The following PPARGC1A variants were observed in gnomAD, a reference collection of about 807,000 sequenced individuals.
The protein encoded by PPARGC1A is peroxisome proliferator-activated receptor gamma coactivator 1-alpha.
Under a neutral mutation model 88.7 loss-of-function variants are expected in PPARGC1A, and 25 were observed. The observed-to-expected ratio is 0.28, with a 90% CI of 0.21 to 0.39. The LOEUF is 0.39. Ranked by LOEUF, PPARGC1A falls within the 10% of genes least tolerant of loss-of-function variation. The pLI is 1.00. For synonymous variants in PPARGC1A, 363 were observed against 355.6 expected (o/e 1.02, Z -0.24); for missense variants, 880 against 968.7 (o/e 0.91, Z 1.22).
the PPARGC1A span, among the ~76,000 whole-genome samples, chr4:24,142,269 T>A: frequency 6.6e-6 from 1 of 152,006 alleles, no homozygotes; most frequent in Admixed American, 6.6e-5. Flanking sequence ...GAAGTAGAGA[T>A]GAAACGCTAA....
chr4:23,920,774 C>T, the PPARGC1A span, among the ~76,000 whole-genome samples: 1 of 152,226 alleles, frequency 6.6e-6, no homozygotes, highest in South Asian at 2.1e-4. Flanking sequence ...CCATCTCCTA[C>T]AGTGTCAGCG....
the PPARGC1A span, among the ~76,000 whole-genome samples, chr4:24,084,243 C>A: frequency 6.6e-6 from 1 of 152,206 alleles, no homozygotes; most frequent in Non-Finnish European, 1.5e-5. Context: ...CCTGGCTAGA[C>A]CCTCCTGCAA....
At position 23,814,074 on chromosome 4, in the gene PPARGC1A, C is replaced by G; in HGVS notation, c.1409G>C (p.Ser470Thr). The change falls in exon 8 of 13, where the codon AGT becomes ACT. Residue 470 changes from serine (S) to threonine (T), a missense_variant. Physicochemically the swap from Ser to Thr is moderately conservative, Grantham distance 58 (BLOSUM62 1). Coordinates refer to ENST00000264867, the MANE Select transcript of PPARGC1A (RefSeq NM_013261.5). ...AELNKHFGHP[S>T]QAVFDDEADK... ...TGCTTCGTCGTCAAAAACAGCTTGA[C>G]TGGGATGACCGAAGTGCTTGTTCAG... 1 of 1,614,042 alleles carries G rather than the reference C, an allele frequency of 6.2e-7. No homozygotes were observed. Among genetic ancestry groups the G allele is most frequent in the Non-Finnish European group, 8.5e-7 (1 of 1,179,958 alleles).
At chr4:24,014,484 C>T in the PPARGC1A span, among the ~76,000 whole-genome samples, 1 of 152,284 alleles carries the variant, frequency 6.6e-6, no homozygotes, top group African/African-American at 2.4e-5. Context: ...TTCTGCGGAT[C>T]AGATGAGCAT....
Position 23,813,583 on chromosome 4 carries a change from G to A in PPARGC1A, c.1793+107C>T, listed in dbSNP as rs1313691256. Reference sequence around the variant, plus strand: ...TTCCAGCAGTGCCAGAATTGCAGTGGTCAGGGGCCAGAATGGCTGCAGATT... The same window carrying A: ...TTCCAGCAGTGCCAGAATTGCAGTGATCAGGGGCCAGAATGGCTGCAGATT... On this transcript the variant is annotated intron_variant, in intron 8 of 12. Coordinates refer to ENST00000264867, the MANE Select transcript of PPARGC1A (RefSeq NM_013261.5). 8 of 1,028,024 alleles carry A rather than the reference G, an allele frequency of 7.8e-6. No homozygotes were observed. The East Asian group carries it at 2.1e-4, about 27-fold the overall frequency. The allele number at this position is 1,028,024 out of a possible 1,614,324, so 63.7% of individuals were successfully genotyped here.
chr4:24,051,324 G>A, the PPARGC1A span, among the ~76,000 whole-genome samples: 1 of 152,014 alleles, frequency 6.6e-6, no homozygotes, highest in Non-Finnish European at 1.5e-5. Flanking sequence ...GATTTCAGAG[G>A]AAATATCTTT....
At chr4:23,903,966 T>C (rs1302950426), upstream of PPARGC1A, 1 of 892,562 alleles carries the variant, frequency 1.1e-6, no homozygotes, top group Non-Finnish European at 1.3e-6. Context: ...GCCTCCTAGG[T>C]GCAGACATAA....
the PPARGC1A span, among the ~76,000 whole-genome samples, chr4:24,088,613 T>C: frequency 1.3e-5 from 2 of 152,198 alleles, no homozygotes; most frequent in African/African-American, 4.8e-5. Flanking sequence ...TCTGCCAGAG[T>C]ACTTGTAAGA....
Position 23,794,932 on chromosome 4 carries a change from A to G in PPARGC1A, c.*890T>C, listed in dbSNP as rs181246387. ...GAAGATCAACATTTTGGACATTTAC[A>G]TGGGTGTCAGGATTAAGGATGAACT... is the stretch of plus-strand genomic sequence containing the variant. On this transcript the variant is annotated 3_prime_UTR_variant, in exon 13 of 13. Coordinates refer to ENST00000264867, the MANE Select transcript of PPARGC1A (RefSeq NM_013261.5). 1.3e-5 allele frequency: 2 copies of G among 152,538 alleles called. No individual in the cohort carries two copies. The highest frequency in any genetic ancestry group is 1.9e-4 in the East Asian group (1 of 5,152). The allele number at this position is 152,538 out of a possible 1,614,324, so 9.4% of individuals were successfully genotyped here. A position where few individuals can be genotyped will look rare whatever the true frequency, so the allele number is the denominator to read the frequency against.
chr4:24,088,055 A>T, the PPARGC1A span, among the ~76,000 whole-genome samples: 1 of 152,318 alleles, frequency 6.6e-6, no homozygotes, highest in African/African-American at 2.4e-5. Context: ...ATAATGTGAA[A>T]ATATACTCTG....
the PPARGC1A span, among the ~76,000 whole-genome samples, chr4:24,119,992 A>G: frequency 6.6e-6 from 1 of 152,210 alleles, no homozygotes; most frequent in Non-Finnish European, 1.5e-5. Context: ...AGAACAATGT[A>G]AATAGTAGAG....
At chr4:23,845,349 C>T (rs1041595800) in intron 2 of PPARGC1A, among the ~76,000 whole-genome samples, 2 of 152,060 alleles carry the variant, frequency 1.3e-5, no homozygotes, top group Non-Finnish European at 2.9e-5. Context: ...GCTATTTGTT[C>T]ATAAAGACTT....
the PPARGC1A span, among the ~76,000 whole-genome samples, chr4:24,472,663 TGCCGCCGCCGCCGCCGCC>T: frequency 6.6e-6 from 1 of 151,496 alleles, no homozygotes; most frequent in Non-Finnish European, 1.5e-5. This position sits in a 1 kb window ranked among gnomAD's most constrained non-coding sequence, Gnocchi z 4.5. Context: ...ATGCTCGGGC[TGCCGCCGCCGCCGCCGCC>T]GCCGCCGCTG....
At chr4:24,156,077 C>T in the PPARGC1A span, among the ~76,000 whole-genome samples, 1 of 152,148 alleles carries the variant, frequency 6.6e-6, no homozygotes, top group African/African-American at 2.4e-5. Context: ...TGAACCCTGG[C>T]TTTCTGTTTT....
the PPARGC1A span, among the ~76,000 whole-genome samples, chr4:24,079,966 T>G: frequency 6.6e-6 from 1 of 152,200 alleles, no homozygotes; most frequent in South Asian, 2.1e-4. Context: ...CACATTGCAA[T>G]GTCTACTAGA....
chr4:24,040,856 T>G, the PPARGC1A span, among the ~76,000 whole-genome samples: 1 of 152,326 alleles, frequency 6.6e-6, no homozygotes. Context: ...ATTAATTATC[T>G]TAACATGAAA....
chr4:24,033,694 C>T, the PPARGC1A span, among the ~76,000 whole-genome samples: 2 of 152,044 alleles, frequency 1.3e-5, no homozygotes, highest in Admixed American at 6.6e-5. Context: ...AAAATGCCTT[C>T]GAGTGGATGA....
At chr4:24,133,634 G>A in the PPARGC1A span, among the ~76,000 whole-genome samples, 36 of 152,232 alleles carry the variant, frequency 2.4e-4, no homozygotes, top group Non-Finnish European at 4.3e-4. Flanking sequence ...ATAATTGTAC[G>A]TCCCTCCCTA....
At chr4:24,299,082 T>C in the PPARGC1A span, among the ~76,000 whole-genome samples, 2 of 152,104 alleles carry the variant, frequency 1.3e-5, no homozygotes, top group African/African-American at 4.8e-5. Flanking sequence ...GGGGATAAAA[T>C]ATTTTATAGC....
Sources: gnomAD v4.1 joint callset for allele counts (sites outside exome capture counted in the v4.1 genomes callset) on GRCh38, gnomAD v4.1.1 for gene constraint, Gnocchi (gnomAD v3.1) non-coding constraint, MANE v1.5 for transcripts, NCBI Gene and HGNC (gene_info 2026-07-23, HGNC 2026-07-21) for gene names.